Variants in WASHC4 observed in about 807,000 individuals in gnomAD.
The protein encoded by WASHC4 is WASH complex subunit 4.
Under a neutral mutation model 166.6 loss-of-function variants are expected in WASHC4, and 86 were observed. The ratio of observed to expected loss-of-function variants is 0.52; its 90% CI spans 0.43 to 0.62. WASHC4 has a LOEUF of 0.62. WASHC4 is among the 20% of genes least tolerant of loss of function. The probability of loss-of-function intolerance (pLI) is 0.00; values close to 1 mark genes in which losing one functional copy is unlikely to be tolerated. For synonymous variants in WASHC4, 446 were observed against 451.6 expected (o/e 0.99, Z 0.16); for missense variants, 1,262 against 1,382.4 (o/e 0.91, Z 1.38).
chr12:105,164,411 C>T, intron 31 of WASHC4, 104 bp downstream of exon 31: 1 of 1,031,670 alleles, frequency 9.7e-7, no homozygotes, highest in Non-Finnish European at 1.5e-6. Context: ...ACCATTTTCA[C>T]AAGTGAGATG....
chr12:105,136,182 G>C lies in WASHC4; in HGVS notation c.1327-1704G>C, dbSNP rs187446936. The stretch of plus-strand genomic sequence containing the variant: ...CTTCAGGATGCCAACTCAGAACTTA[G>C]GTGGTTTATGAAAACCAGCTCCGAT... On this transcript the variant is annotated intron_variant, in intron 14 of 32. Coordinates refer to ENST00000332180, the MANE Select transcript of WASHC4 (RefSeq NM_015275.3). 2.6e-5 allele frequency among the ~76,000 whole-genome samples: 4 copies of C among 152,160 alleles called. No homozygotes were observed. In the East Asian group the frequency reaches 7.7e-4, roughly 29 times the overall value.
At chr12:105,142,309 TTTCTA>T (rs1422416029) in intron 18 of WASHC4, 139 bp from the exon 19 acceptor site, 6 of 642,318 alleles carry the variant, frequency 9.3e-6, no homozygotes, top group Non-Finnish European at 1.7e-5. Flanking sequence ...TTTTGTGACT[TTTCTA>T]TACTATGTTG....
intron 6 of WASHC4, among the ~76,000 whole-genome samples, chr12:105,116,617 T>A (rs1377990191): frequency 1.3e-5 from 2 of 152,184 alleles, no homozygotes; most frequent in African/African-American, 4.8e-5. Flanking sequence ...TAGCTGCTTT[T>A]GCTACAAAAA....
At chr12:105,122,372 G>T in intron 10 of WASHC4, 134 bp downstream of exon 10, 1 of 842,800 alleles carries the variant, frequency 1.2e-6, no homozygotes, top group South Asian at 1.6e-5. Context: ...TAAAATTATT[G>T]TTACAGTACT....
In WASHC4 at chr12:105,123,596, T is replaced by C. The variant is rs1042727535; in HGVS notation, c.786+1358T>C. ...AAGGCTAAGAGAGGTGGGGAAGCTG[T>C]AGAAGAAAAATTTGAACCTAGCACA... is the stretch of plus-strand genomic sequence containing the variant. On this transcript the variant is annotated intron_variant, in intron 10 of 32. Transcript: ENST00000332180. Among the ~76,000 whole-genome samples, 6 of 152,272 alleles carry C rather than the reference T, an allele frequency of 3.9e-5. 1 individual carries two copies. The highest frequency in any genetic ancestry group is 6.5e-5 in the Admixed American group (1 of 15,300).
At position 105,149,685 on chromosome 12, in the gene WASHC4, T is replaced by C. The variant is rs1470300534; in HGVS notation, c.2585T>C (p.Ile862Thr). The stretch of plus-strand genomic sequence containing the variant: ...AGCCAATTTATGTATGATGAACACA[T>C]CAAATCCAGATTGATTAAAGATATT... ...IFSQFMYDEH[I>T]KSRLIKDIRF... Residue 862 changes from isoleucine (I) to threonine (T), a missense_variant, in exon 25 of 33, where the codon ATC (isoleucine) becomes ACC (threonine). Ile to Thr is a moderately conservative substitution (Grantham distance 89). Transcript: ENST00000332180. 6.3e-7 allele frequency: 1 copy of C among 1,579,476 alleles called. No individual in the cohort carries two copies. Among genetic ancestry groups the C allele is most frequent in the Admixed American group, 1.7e-5 (1 of 59,760 alleles).
intron 11 of WASHC4, 42 bp downstream of exon 11, chr12:105,126,169 G>A: frequency 6.2e-7 from 1 of 1,612,516 alleles, no homozygotes; most frequent in Non-Finnish European, 8.5e-7. Flanking sequence ...TATAAAATTT[G>A]CATTTCCTTA....
intron 13 of WASHC4, 85 bp from the exon 14 acceptor site, chr12:105,133,685 G>A (rs186224783): frequency 3.6e-6 from 4 of 1,118,656 alleles, no homozygotes; most frequent in Non-Finnish European, 5.4e-6. Context: ...AATGACTGCT[G>A]CAGGGAAATA....
chr12:105,120,527 T>C, intron 7 of WASHC4, 28 bp from the exon 8 acceptor site: 1 of 1,480,596 alleles, frequency 6.8e-7, no homozygotes, highest in Non-Finnish European at 9.4e-7. Context: ...AGGAAGTTTT[T>C]TTTAACTTGG....
intron 14 of WASHC4, among the ~76,000 whole-genome samples, chr12:105,135,169 T>A (rs1381792622): frequency 6.6e-6 from 1 of 152,052 alleles, no homozygotes; most frequent in Non-Finnish European, 1.5e-5. Flanking sequence ...CACAAGGCAT[T>A]ATTATCGCTA....
intron 1 of WASHC4, among the ~76,000 whole-genome samples, chr12:105,108,337 G>A (rs1394922953): frequency 6.6e-6 from 1 of 152,216 alleles, no homozygotes; most frequent in Non-Finnish European, 1.5e-5. Flanking sequence ...AAGTTTGGGT[G>A]TCTTTCCCAT....
intron 21 of WASHC4, 37 bp downstream of exon 21, chr12:105,144,492 C>CT (rs370837338): frequency 0.031 from 40,887 of 1,333,902 alleles, 12 homozygotes; most frequent in African/African-American, 0.036. Flanking sequence ...GTCATATTCT[C>CT]TTTTTTTTTT....
rs1592888950 is a variant in WASHC4, at chr12:105,140,382, A to C, written c.1541A>C (p.His514Pro). Residue 514 changes from histidine (H) to proline (P), a missense_variant, in exon 16 of 33, where the codon CAT becomes CCT. Coordinates refer to ENST00000332180, the MANE Select transcript of WASHC4 (RefSeq NM_015275.3). Reference sequence around the variant, plus strand: ...CAGCACCTTCAACATCAGGCTCTTCATTCTATTTCTGTGGCCAAGGTATGC... The same window carrying C: ...CAGCACCTTCAACATCAGGCTCTTCCTTCTATTTCTGTGGCCAAGGTATGC... Reference protein sequence around the residue: ...ITQHLQHQALHSISVAKKRVI... With the variant: ...ITQHLQHQALPSISVAKKRVI... The C allele has an allele frequency of 3.2e-6, 5 of 1,540,350 alleles. No individual in the cohort carries two copies. The highest frequency in any genetic ancestry group is 4.5e-6 in the Non-Finnish European group (5 of 1,114,724).
Position 105,144,532 on chromosome 12 carries a change from G to C in WASHC4, c.2179+77G>C, listed in dbSNP as rs1285808079. The C allele has an allele frequency of 2.8e-5, 36 of 1,308,566 alleles. 1 individual carries two copies. Among genetic ancestry groups the C allele is most frequent in the Non-Finnish European group, 3.7e-5 (34 of 930,886 alleles). The allele number at this position is 1,308,566 out of a possible 1,614,324, so 81.1% of individuals were successfully genotyped here. A position where few individuals can be genotyped will look rare whatever the true frequency, so the allele number is the denominator to read the frequency against. ...TTACCCTACTGTTAAACAAAACTTTGAGGGTATATTTAAATTTTGTGTTGT... is the reference window on the plus strand; with the variant it reads ...TTACCCTACTGTTAAACAAAACTTTCAGGGTATATTTAAATTTTGTGTTGT... On this transcript the variant is annotated intron_variant, in intron 21 of 32. Transcript: ENST00000332180.
chr12:105,151,607 G>A (rs929302534), intron 25 of WASHC4, among the ~76,000 whole-genome samples: 1 of 151,872 alleles, frequency 6.6e-6, no homozygotes, highest in African/African-American at 2.4e-5. Context: ...TCAGCCCCCT[G>A]AGTAGCTGGG....
rs1566015577 is a variant in WASHC4 at position 105,141,003 on chromosome 12, G to A, written c.1665G>A (p.Arg555=). Residue 555 remains arginine (R), a synonymous_variant, in exon 17 of 33, where the codon CGG becomes CGA. Transcript: ENST00000332180. The part of the protein sequence containing the change: ...NTLNGPSTKQ[R]RLIVSLALSV... Reference sequence around the variant, plus strand: ...TAAATGGACCAAGCACAAAGCAACGGCGACTTATTGTTTCTTTGGCACTAA... The same window carrying A: ...TAAATGGACCAAGCACAAAGCAACGACGACTTATTGTTTCTTTGGCACTAA... 2 of 1,614,156 alleles carry A rather than the reference G, an allele frequency of 1.2e-6. No homozygotes were observed. The highest frequency in any genetic ancestry group is 1.7e-6 in the Non-Finnish European group (2 of 1,180,014).
intron 19 of WASHC4, 112 bp downstream of exon 19, chr12:105,142,670 T>A (rs912178739): frequency 4.5e-6 from 3 of 672,414 alleles, no homozygotes; most frequent in African/African-American, 3.6e-5. Flanking sequence ...ATTGACTGTT[T>A]TGTAAACTGC....
chr12:105,112,607 G>T (rs1302353008), intron 2 of WASHC4, among the ~76,000 whole-genome samples: 1 of 152,036 alleles, frequency 6.6e-6, no homozygotes, highest in African/African-American at 2.4e-5. Flanking sequence ...ATTCTTCCTA[G>T]TGAATGTGAA....
chr12:105,121,256 G>C (rs1592852692), intron 9 of WASHC4, 52 bp downstream of exon 9: 1 of 1,145,464 alleles, frequency 8.7e-7, no homozygotes, highest in East Asian at 2.4e-5. Flanking sequence ...TAATGTATTT[G>C]TGTTAGTAAA....
Sources: allele counts gnomAD v4.1 joint callset (sites outside exome capture counted in the v4.1 genomes callset), GRCh38; gene constraint gnomAD v4.1.1; transcripts MANE v1.5; gene names NCBI Gene and HGNC (gene_info 2026-07-23, HGNC 2026-07-21).